UBE2L5: variants seen among roughly 807,000 people sequenced by gnomAD.
The protein encoded by UBE2L5 is ubiquitin conjugating enzyme E2 L5.
Under a neutral mutation model 10.0 loss-of-function variants are expected in UBE2L5, and 3 were observed. The ratio of observed to expected loss-of-function variants is 0.30; its 90% CI spans 0.14 to 0.78. The LOEUF (loss-of-function observed/expected upper bound fraction) is 0.78, where lower values mean the gene tolerates loss of function less well. UBE2L5 is among the 30% of genes least tolerant of loss of function. The pLI is 0.65. For missense variants in UBE2L5, 131 were observed against 193.3 expected (o/e 0.68, Z 1.91); for synonymous variants, 60 against 71.9 (o/e 0.83, Z 0.83).
chr13:30,423,366 C>G (rs759996414), intron 1 of UBE2L5, among the ~76,000 whole-genome samples: 2 of 152,120 alleles, frequency 1.3e-5, no homozygotes, highest in African/African-American at 4.8e-5. Context: ...AATCCCAGCA[C>G]TTTGGGAGGC....
At position 30,427,973 on chromosome 13, in the gene UBE2L5, A is replaced by G; in HGVS notation, c.-18A>G. 6.9e-7 allele frequency: 1 copy of G among 1,450,112 alleles called. No individual in the cohort carries two copies. Among genetic ancestry groups the G allele is most frequent in the Non-Finnish European group, 9.7e-7 (1 of 1,031,622 alleles). The allele number at this position is 1,450,112 out of a possible 1,614,324, so 89.8% of individuals were successfully genotyped here. A position where few individuals can be genotyped will look rare whatever the true frequency, so the allele number is the denominator to read the frequency against. ...TTACCACGATGCATTCTGGGAAAGA[A>G]GCAGCACCAAATCCAAGATGGCGGC... On this transcript the variant is annotated 5_prime_UTR_variant, in exon 4 of 4. Coordinates refer to ENST00000635918, the MANE Select transcript of UBE2L5 (RefSeq NM_001355247.2).
At chr13:30,423,312 C>T (rs1885492096) in intron 1 of UBE2L5, among the ~76,000 whole-genome samples, 1 of 152,124 alleles carries the variant, frequency 6.6e-6, no homozygotes, top group East Asian at 1.9e-4. Context: ...ACTCTATTTT[C>T]CTTTAAAATA....
Position 30,427,608 on chromosome 13 carries a change from A to C in UBE2L5, c.-383A>C, listed in dbSNP as rs1356560926. On this transcript the variant is annotated 5_prime_UTR_variant, in exon 4 of 4. Transcript: ENST00000635918. ...TGAGGTCAGGAGTTCGAGACTAGCC[A>C]GGCCAACATGGTGAAACCTCGTCTC... 1 of 200,180 alleles carries C rather than the reference A, an allele frequency of 5.0e-6. No homozygotes were observed. The highest frequency in any genetic ancestry group is 2.4e-5 in the African/African-American group (1 of 42,186). 12.4% of individuals were successfully genotyped at this position (200,180 alleles called of 1,614,324 possible).
Position 30,427,946 on chromosome 13 carries a change from C to T in UBE2L5, c.-45C>T, listed in dbSNP as rs1885563742. On this transcript the variant is annotated 5_prime_UTR_variant, in exon 4 of 4. Coordinates refer to ENST00000635918, the MANE Select transcript of UBE2L5 (RefSeq NM_001355247.2). The stretch of plus-strand genomic sequence containing the variant: ...TACATACACAACCATTAAAAGTGGC[C>T]GTTACCACGATGCATTCTGGGAAAG... 1.6e-6 allele frequency: 2 copies of T among 1,222,038 alleles called. No homozygotes were observed. Among genetic ancestry groups the T allele is most frequent in the Non-Finnish European group, 2.4e-6 (2 of 829,432 alleles). The allele number at this position is 1,222,038 out of a possible 1,614,324, so 75.7% of individuals were successfully genotyped here. A position where few individuals can be genotyped will look rare whatever the true frequency, so the allele number is the denominator to read the frequency against.
At position 30,428,388 on chromosome 13, in the gene UBE2L5, G is replaced by A. The variant is rs1045768665; in HGVS notation, c.398G>A (p.Arg133His). Reference protein sequence around the residue: ...ADLAEEYSNDRKKFCKNAEEF... With the variant: ...ADLAEEYSNDHKKFCKNAEEF... ...CTAGCTGAAGAATACTCTAACGACCGTAAAAAATTCTGTAAGAATGCTGAA... is the reference window on the plus strand; with the variant it reads ...CTAGCTGAAGAATACTCTAACGACCATAAAAAATTCTGTAAGAATGCTGAA... Residue 133 changes from arginine to histidine, a missense_variant, in exon 4 of 4, where the codon CGT (arginine) becomes CAT (histidine). Physicochemically the swap from Arg to His is conservative, Grantham distance 29. Coordinates refer to ENST00000635918, the MANE Select transcript of UBE2L5 (RefSeq NM_001355247.2). The A allele has an allele frequency of 4.3e-6, 7 of 1,611,110 alleles. No individual in the cohort carries two copies. The South Asian group carries it at 6.6e-5, about 15-fold the overall frequency.
In UBE2L5 at chr13:30,428,578, G is replaced by A; in HGVS notation, c.*123G>A. 9.1e-7 allele frequency: 1 copy of A among 1,099,100 alleles called. No individual in the cohort carries two copies. Among genetic ancestry groups the A allele is most frequent in the Non-Finnish European group, 1.3e-6 (1 of 769,772 alleles). The allele number at this position is 1,099,100 out of a possible 1,614,324, so 68.1% of individuals were successfully genotyped here. On this transcript the variant is annotated 3_prime_UTR_variant, in exon 4 of 4. Coordinates refer to ENST00000635918, the MANE Select transcript of UBE2L5 (RefSeq NM_001355247.2). ...CACCGTCTGGCGTTCGCTTGCAGCA[G>A]TTACTAACTTTCTACAGTTTTCTTA...
intron 2 of UBE2L5, among the ~76,000 whole-genome samples, chr13:30,426,165 G>T (rs1348082410): frequency 1.3e-5 from 2 of 150,838 alleles, no homozygotes; most frequent in Non-Finnish European, 1.5e-5. Flanking sequence ...ACAAAAATTA[G>T]CCAGGCGTGG....
chr13:30,423,522 A>T (rs1885495960), intron 1 of UBE2L5, among the ~76,000 whole-genome samples: 1 of 152,320 alleles, frequency 6.6e-6, no homozygotes. Flanking sequence ...AGACAGGAGG[A>T]TGGCATGAGC....
At chr13:30,423,398 G>A (rs1324769311) in intron 1 of UBE2L5, among the ~76,000 whole-genome samples, 2 of 152,154 alleles carry the variant, frequency 1.3e-5, no homozygotes, top group African/African-American at 4.8e-5. Context: ...GATCATTTGA[G>A]TCCAGGAGTT....
At position 30,427,921 on chromosome 13, in the gene UBE2L5, T is replaced by C; in HGVS notation, c.-70T>C. On this transcript the variant is annotated 5_prime_UTR_variant, in exon 4 of 4. Transcript: ENST00000635918. ...CACATCAGAACGTTATTTGAGTGTA[T>C]ACATACACAACCATTAAAAGTGGCC... is the stretch of plus-strand genomic sequence containing the variant. 1.0e-6 allele frequency: 1 copy of C among 967,662 alleles called. No individual in the cohort carries two copies. The highest frequency in any genetic ancestry group is 1.6e-6 in the Non-Finnish European group (1 of 608,622). 59.9% of individuals were successfully genotyped at this position (967,662 alleles called of 1,614,324 possible).
chr13:30,426,167 C>G (rs947802957), intron 2 of UBE2L5, among the ~76,000 whole-genome samples: 2 of 150,850 alleles, frequency 1.3e-5, no homozygotes, highest in African/African-American at 4.9e-5. Context: ...AAAAATTAGC[C>G]AGGCGTGGTG....
rs1315164688 is a variant in UBE2L5, at chr13:30,428,564, G to A, written c.*109G>A. Reference sequence around the variant, plus strand: ...AAATTGATACGTGCCACCGTCTGGCGTTCGCTTGCAGCAGTTACTAACTTT... The same window carrying A: ...AAATTGATACGTGCCACCGTCTGGCATTCGCTTGCAGCAGTTACTAACTTT... On this transcript the variant is annotated 3_prime_UTR_variant, in exon 4 of 4. Transcript: ENST00000635918. 4 of 1,298,266 alleles carry A rather than the reference G, an allele frequency of 3.1e-6. No homozygotes were observed. The South Asian group carries it at 4.2e-5, about 14-fold the overall frequency. 80.4% of individuals were successfully genotyped at this position (1,298,266 alleles called of 1,614,324 possible). A position where few individuals can be genotyped will look rare whatever the true frequency, so the allele number is the denominator to read the frequency against.
rs1885478889 is a variant in UBE2L5 at position 30,422,546 on chromosome 13, T to C, written c.-910T>C. ...GGAAAGCTGTTCTCCTTTGATGCTC[T>C]TTGGTTTTACAGTGGAAAACTACAA... On this transcript the variant is annotated 5_prime_UTR_variant, in exon 1 of 4. Coordinates refer to ENST00000635918, the MANE Select transcript of UBE2L5 (RefSeq NM_001355247.2). 6.6e-6 allele frequency: 1 copy of C among 152,188 alleles called. No homozygotes were observed. Among genetic ancestry groups the C allele is most frequent in the Non-Finnish European group, 1.5e-5 (1 of 68,032 alleles). The allele number at this position is 152,188 out of a possible 1,614,324, so 9.4% of individuals were successfully genotyped here.
chr13:30,428,545 A>T lies in UBE2L5; in HGVS notation c.*90A>T. On this transcript the variant is annotated 3_prime_UTR_variant, in exon 4 of 4. Coordinates refer to ENST00000635918, the MANE Select transcript of UBE2L5 (RefSeq NM_001355247.2). ...GCAAAGCAGGACTCTGTGGAAATTG[A>T]TACGTGCCACCGTCTGGCGTTCGCT... 6.9e-7 allele frequency: 1 copy of T among 1,450,942 alleles called. No individual in the cohort carries two copies. Among genetic ancestry groups the T allele is most frequent in the Non-Finnish European group, 9.3e-7 (1 of 1,070,686 alleles). 89.9% of individuals were successfully genotyped at this position (1,450,942 alleles called of 1,614,324 possible).
chr13:30,425,872 A>G (rs1256275889), intron 2 of UBE2L5, among the ~76,000 whole-genome samples: 1 of 151,752 alleles, frequency 6.6e-6, no homozygotes, highest in African/African-American at 2.4e-5. Flanking sequence ...AAAATAACAA[A>G]AATTTGCCGG....
chr13:30,426,340 T>C (rs1357421663), intron 2 of UBE2L5, among the ~76,000 whole-genome samples: 1 of 151,818 alleles, frequency 6.6e-6, no homozygotes, highest in Non-Finnish European at 1.5e-5. Context: ...AAAGTATGGA[T>C]GCGAGTCGGG....
chr13:30,423,964 G>T (rs1885503508), intron 1 of UBE2L5, among the ~76,000 whole-genome samples: 1 of 152,230 alleles, frequency 6.6e-6, no homozygotes, highest in Non-Finnish European at 1.5e-5. Flanking sequence ...GTGCATGCTG[G>T]AGCTCCATGG....
intron 2 of UBE2L5, among the ~76,000 whole-genome samples, chr13:30,425,779 T>C (rs767031464): frequency 6.6e-6 from 1 of 152,210 alleles, no homozygotes; most frequent in Non-Finnish European, 1.5e-5. Flanking sequence ...TCCCAGCACT[T>C]TGGGAGTCCA....
chr13:30,425,212 C>T (rs766968518), intron 2 of UBE2L5, among the ~76,000 whole-genome samples: 6 of 152,202 alleles, frequency 3.9e-5, no homozygotes, highest in Non-Finnish European at 8.8e-5. Flanking sequence ...GGATTGGCCA[C>T]AGTTGTTCAA....
Sources: allele counts gnomAD v4.1 joint callset (sites outside exome capture counted in the v4.1 genomes callset), GRCh38; gene constraint gnomAD v4.1.1; transcripts MANE v1.5; gene names NCBI Gene and HGNC (gene_info 2026-07-23, HGNC 2026-07-21).